Variants in ROR1 observed in about 807,000 individuals in gnomAD.
ROR1 encodes ROR family WNT receptor 1.
A neutral mutation model predicts 78.8 loss-of-function variants in ROR1; 19 were observed. The ratio of observed to expected loss-of-function variants is 0.24; its 90% CI spans 0.17 to 0.35. The LOEUF (loss-of-function observed/expected upper bound fraction) is 0.35, where lower values mean the gene tolerates loss of function less well. Ranked by LOEUF, ROR1 falls within the 10% of genes least tolerant of loss-of-function variation. ROR1 has a pLI of 1.00. For synonymous variants in ROR1, 386 were observed against 433.6 expected (o/e 0.89, Z 1.36); for missense variants, 917 against 1,177.8 (o/e 0.78, Z 3.24).
rs373070384 is a variant in ROR1, at chr1:63,796,062, G to A, written c.91+21554G>A. 4.6e-5 allele frequency among the ~76,000 whole-genome samples: 7 copies of A among 152,310 alleles called. No homozygotes were observed. In the East Asian group the frequency reaches 1.2e-3, roughly 25 times the overall value. On this transcript the variant is annotated intron_variant, in intron 1 of 8. Coordinates refer to ENST00000371079, the MANE Select transcript of ROR1 (RefSeq NM_005012.4). ...TCTGTGCTGGAAACTGGGAGAGAGA[G>A]AGTTTAGCTCTTGTCCTGTATGTAT...
chr1:64,003,961 A>G (rs1350404183), intron 1 of ROR1, among the ~76,000 whole-genome samples: 1 of 152,240 alleles, frequency 6.6e-6, no homozygotes, highest in Non-Finnish European at 1.5e-5. Flanking sequence ...CTTTTACCAT[A>G]GGAAGAAAGT....
chr1:63,964,714 A>C (rs1183164223), intron 1 of ROR1, among the ~76,000 whole-genome samples: 1 of 152,190 alleles, frequency 6.6e-6, no homozygotes, highest in Non-Finnish European at 1.5e-5. Context: ...TACCCTCAGC[A>C]GTGGGGCAGT....
At chr1:63,923,169 C>A (rs1164744777) in intron 1 of ROR1, among the ~76,000 whole-genome samples, 1 of 152,166 alleles carries the variant, frequency 6.6e-6, no homozygotes, top group African/African-American at 2.4e-5. Context: ...GGCACTTCAG[C>A]CCCTCTTGGC....
intron 1 of ROR1, among the ~76,000 whole-genome samples, chr1:63,931,704 T>C (rs1419710994): frequency 6.6e-6 from 1 of 152,202 alleles, no homozygotes; most frequent in Non-Finnish European, 1.5e-5. Context: ...TTCATAGCCA[T>C]CTGGGTTATC....
At chr1:63,953,665 C>T (rs1210952581) in intron 1 of ROR1, among the ~76,000 whole-genome samples, 1 of 152,156 alleles carries the variant, frequency 6.6e-6, no homozygotes, top group African/African-American at 2.4e-5. Flanking sequence ...GTGGCGCCTA[C>T]TGGGTTGCAG....
At chr1:63,782,599 A>T (rs1278485371) in intron 1 of ROR1, among the ~76,000 whole-genome samples, 7 of 147,648 alleles carry the variant, frequency 4.7e-5, no homozygotes, top group African/African-American at 1.8e-4. Context: ...CTTAACTAAC[A>T]TGAGGTTGTA....
intron 1 of ROR1, among the ~76,000 whole-genome samples, chr1:63,936,930 C>T (rs1645798626): frequency 6.6e-6 from 1 of 152,138 alleles, no homozygotes; most frequent in Non-Finnish European, 1.5e-5. Flanking sequence ...CATTTGTTGA[C>T]TCAATGAGGC....
intron 2 of ROR1, among the ~76,000 whole-genome samples, chr1:64,037,965 A>G (rs1186869500): frequency 1.3e-5 from 2 of 151,722 alleles, no homozygotes; most frequent in Non-Finnish European, 2.9e-5. Flanking sequence ...CTACTCTCTC[A>G]CACCTTCCCT....
At chr1:63,974,450 ATTG>A (rs1450168878) in intron 1 of ROR1, among the ~76,000 whole-genome samples, 1 of 152,040 alleles carries the variant, frequency 6.6e-6, no homozygotes, top group Non-Finnish European at 1.5e-5. Context: ...GGTGTTTTTC[ATTG>A]TTGTTGTTTT....
At position 64,137,395 on chromosome 1, in the gene ROR1, G is replaced by C; in HGVS notation, c.509G>C (p.Cys170Ser). 5 of 1,614,018 alleles carry C rather than the reference G, an allele frequency of 3.1e-6. No individual in the cohort carries two copies. The highest frequency in any genetic ancestry group is 3.4e-6 in the Non-Finnish European group (4 of 1,179,916). The change falls in exon 5 of 9, where the codon TGT (cysteine) becomes TCT (serine). Residue 170 changes from cysteine (C) to serine (S), a missense_variant. By Grantham distance (112) the Cys-to-Ser change is moderately radical. Transcript: ENST00000371079. ...GATGAGTATGAAGAAGATGGATTCTGTCAGCCATACAGAGGGATTGCATGT... is the reference window on the plus strand; with the variant it reads ...GATGAGTATGAAGAAGATGGATTCTCTCAGCCATACAGAGGGATTGCATGT... ...YSDEYEEDGFCQPYRGIACAR... is the reference protein window; with the variant it reads ...YSDEYEEDGFSQPYRGIACAR...
At chr1:63,855,678 C>G (rs1225386290) in intron 1 of ROR1, among the ~76,000 whole-genome samples, 1 of 148,986 alleles carries the variant, frequency 6.7e-6, no homozygotes, top group African/African-American at 2.5e-5. Flanking sequence ...GAGACGTAGT[C>G]TTGCTCTGTT....
intron 7 of ROR1, among the ~76,000 whole-genome samples, chr1:64,154,549 A>G (rs781569521): frequency 3.9e-5 from 6 of 152,254 alleles, no homozygotes; most frequent in Non-Finnish European, 7.3e-5. Flanking sequence ...TACCTCTTTA[A>G]TAAGAAATCA....
At chr1:63,862,719 T>C (rs1287001075) in intron 1 of ROR1, among the ~76,000 whole-genome samples, 1 of 152,130 alleles carries the variant, frequency 6.6e-6, no homozygotes, top group African/African-American at 2.4e-5. Context: ...ATTCTGCCTC[T>C]CAGTATAGGT....
chr1:63,873,743 T>A (rs556289209), intron 1 of ROR1, among the ~76,000 whole-genome samples: 1 of 123,934 alleles, frequency 8.1e-6, no homozygotes, highest in African/African-American at 3.7e-5. Flanking sequence ...AAAGAAATTT[T>A]AAAAAGCCAC....
chr1:64,151,743 G>C (rs934132042), intron 7 of ROR1, among the ~76,000 whole-genome samples: 1 of 151,670 alleles, frequency 6.6e-6, no homozygotes, highest in African/African-American at 2.4e-5. Context: ...AATTAGCCGG[G>C]TGTGGTGGAG....
intron 1 of ROR1, among the ~76,000 whole-genome samples, chr1:63,874,305 A>G (rs1645269645): frequency 6.6e-6 from 1 of 152,156 alleles, no homozygotes; most frequent in African/African-American, 2.4e-5. Flanking sequence ...AAAGCCATTT[A>G]AGACTTTTTT....
rs1294778764 is a variant in ROR1 at position 64,142,444 on chromosome 1, G to A, written c.968G>A (p.Gly323Glu). ...CYNSTGVDYR[G>E]TVSVTKSGRQ... ...AACAGCACAGGTGTGGACTACCGGG[G>A]GACCGTCAGTGTGACCAAATCAGGG... The change falls in exon 7 of 9, where the codon GGG becomes GAG. Residue 323 changes from glycine to glutamate, a missense_variant. Physicochemically the swap from Gly to Glu is moderately conservative, Grantham distance 98 (BLOSUM62 -2). This residue lies in a region of ROR1 where 835 missense variants were observed against 1,069.8 expected (regional missense o/e 0.78). Transcript: ENST00000371079. 1 of 1,614,102 alleles carries A rather than the reference G, an allele frequency of 6.2e-7. No individual in the cohort carries two copies. Among genetic ancestry groups the A allele is most frequent in the Non-Finnish European group, 8.5e-7 (1 of 1,180,000 alleles).
At chr1:63,993,310 C>G (rs531626844) in intron 1 of ROR1, among the ~76,000 whole-genome samples, 12 of 152,260 alleles carry the variant, frequency 7.9e-5, no homozygotes, top group African/African-American at 2.9e-4. Flanking sequence ...ACAGAGGAAT[C>G]TTTGAGAATT....
rs140685693 is a variant in ROR1 at position 63,822,016 on chromosome 1, A to T, written c.91+47508A>T. On this transcript the variant is annotated intron_variant, in intron 1 of 8. Transcript: ENST00000371079. ...TTGGTGCAGACATTTTCTTGTGATG[A>T]TAAAAGCATTTAGTAAATGTACTGG... is the stretch of plus-strand genomic sequence containing the variant. Among the ~76,000 whole-genome samples the T allele has an allele frequency of 1.5e-3, 224 of 152,312 alleles. 1 individual carries two copies. The highest frequency in any genetic ancestry group is 5.3e-3 in the African/African-American group (219 of 41,568).
Sources: gnomAD v4.1 joint callset for allele counts (sites outside exome capture counted in the v4.1 genomes callset) on GRCh38, gnomAD v4.1.1 for gene constraint, gnomAD v4.1.1 regional missense constraint, MANE v1.5 for transcripts, NCBI Gene and HGNC (gene_info 2026-07-23, HGNC 2026-07-21) for gene names.